The following TOP1 variants were observed in gnomAD, a reference collection of about 807,000 sequenced individuals.
TOP1 encodes DNA topoisomerase 1.
TOP1 carries 10 observed loss-of-function variants against 111.1 expected under a neutral mutation model. The ratio of observed to expected loss-of-function variants is 0.09; its 90% CI spans 0.06 to 0.15. The LOEUF is 0.15. Among genes scored for constraint, TOP1 ranks in the 10% least tolerant of loss-of-function variants. The pLI is 1.00. For missense variants in TOP1, 474 were observed against 926.7 expected (o/e 0.51, Z 6.34); for synonymous variants, 271 against 302.9 (o/e 0.89, Z 1.10).
intron 8 of TOP1, among the ~76,000 whole-genome samples, chr20:41,088,671 T>C (rs893611650): frequency 2.6e-5 from 4 of 152,086 alleles, no homozygotes; most frequent in African/African-American, 9.7e-5. Flanking sequence ...ATATATTTTC[T>C]CTATTTGGAG....
chr20:41,064,763 T>C (rs2033587009), intron 3 of TOP1, among the ~76,000 whole-genome samples: 2 of 152,222 alleles, frequency 1.3e-5, no homozygotes, highest in Non-Finnish European at 2.9e-5. Context: ...GTGCCTTGAA[T>C]ATATTCCTAG....
chr20:41,093,349 T>C (rs1305170556), intron 9 of TOP1, among the ~76,000 whole-genome samples: 2 of 152,226 alleles, frequency 1.3e-5, no homozygotes, highest in Non-Finnish European at 1.5e-5. Flanking sequence ...TATGTGCTTA[T>C]GACTCACCAA....
Position 41,123,318 on chromosome 20 carries a change from T to C in TOP1, c.*21T>C, listed in dbSNP as rs1410468863. The C allele has an allele frequency of 6.4e-7, 1 of 1,559,540 alleles. No individual in the cohort carries two copies. On this transcript the variant is annotated 3_prime_UTR_variant, in exon 21 of 21. Coordinates refer to ENST00000361337, the MANE Select transcript of TOP1 (RefSeq NM_003286.4). This position sits in a 1 kb window ranked among gnomAD's most constrained non-coding sequence, Gnocchi z 5.8. ...TTTAGCCAGTCTCAAGAGGCAGAGT[T>C]CTGTGAAGAGGAACAGTGTGGTTTG...
At chr20:41,063,410 T>C (rs1168574357) in intron 3 of TOP1, among the ~76,000 whole-genome samples, 1 of 152,206 alleles carries the variant, frequency 6.6e-6, no homozygotes, top group Non-Finnish European at 1.5e-5. Flanking sequence ...TGTGTGTACA[T>C]GTGTCTTTTT....
chr20:41,085,621 CAA>C (rs1160262241), intron 8 of TOP1, among the ~76,000 whole-genome samples: 5 of 152,328 alleles, frequency 3.3e-5, no homozygotes, highest in East Asian at 1.9e-4. Context: ...GAATAAAAAT[CAA>C]AGTCACCTTT....
At chr20:41,036,640 T>C (rs189050028) in intron 2 of TOP1, among the ~76,000 whole-genome samples, 288 of 152,042 alleles carry the variant, frequency 1.9e-3, no homozygotes, top group Non-Finnish European at 3.3e-3. Flanking sequence ...CCTGTTAAAG[T>C]TTTAAATCTT....
rs779931442 is a variant in TOP1 at position 41,094,064 on chromosome 20, T to TAATA, written c.730+1492_730+1495dup. Among the ~76,000 whole-genome samples, 6 of 151,872 alleles carry TAATA rather than the reference T, an allele frequency of 4.0e-5. No homozygotes were observed. The highest frequency in any genetic ancestry group is 1.5e-4 in the African/African-American group (6 of 41,324). The stretch of plus-strand genomic sequence containing the variant: ...TGAGACCCTGTCTCAAAAAATAAAA[T>TAATA]AATAAATAAATAAATAAAACATATT... On this transcript the variant is annotated intron_variant, in intron 9 of 20. Coordinates refer to ENST00000361337, the MANE Select transcript of TOP1 (RefSeq NM_003286.4). This position sits in a 1 kb window ranked among gnomAD's most constrained non-coding sequence, Gnocchi z 4.4.
rs934386752 is a variant in TOP1, at chr20:41,121,967, G to A, written c.2046-39G>A. 3.1e-6 allele frequency: 5 copies of A among 1,611,556 alleles called. 1 individual carries two copies. Among genetic ancestry groups the A allele is most frequent in the Non-Finnish European group, 4.2e-6 (5 of 1,178,886 alleles). ...TGGGTACAGTGTGCTCTTGTCTAGA[G>A]CCCAGGCCTGGTTCTTGAGGACTTT... On this transcript the variant is annotated intron_variant, in intron 19 of 20. Coordinates refer to ENST00000361337, the MANE Select transcript of TOP1 (RefSeq NM_003286.4). This position sits in a 1 kb window ranked among gnomAD's most constrained non-coding sequence, Gnocchi z 4.2.
rs2033627069 is a variant in TOP1, at chr20:41,067,942, T to C, written c.155+6452T>C. Among the ~76,000 whole-genome samples, 3 of 152,224 alleles carry C rather than the reference T, an allele frequency of 2.0e-5. No individual in the cohort carries two copies. Among genetic ancestry groups the C allele is most frequent in the Admixed American group, 6.5e-5 (1 of 15,284 alleles). Reference sequence around the variant, plus strand: ...GAATCATTTCATCTTGTCTTCTCTTTGTGTGGACAGGAGTCTGAGGTCACA... The same window carrying C: ...GAATCATTTCATCTTGTCTTCTCTTCGTGTGGACAGGAGTCTGAGGTCACA... On this transcript the variant is annotated intron_variant, in intron 3 of 20. Coordinates refer to ENST00000361337, the MANE Select transcript of TOP1 (RefSeq NM_003286.4). The surrounding 1 kb of genome is among the most constrained non-coding windows in gnomAD (Gnocchi z 4.0).
At chr20:41,059,666 T>C (rs2145926131) in intron 2 of TOP1, among the ~76,000 whole-genome samples, 1 of 152,092 alleles carries the variant, frequency 6.6e-6, no homozygotes, top group African/African-American at 2.4e-5. Context: ...GCACAAAACA[T>C]ACAGACCCTA....
chr20:41,057,309 G>A (rs1324793285), intron 2 of TOP1, among the ~76,000 whole-genome samples: 3 of 151,200 alleles, frequency 2.0e-5, no homozygotes, highest in African/African-American at 4.9e-5. Context: ...TTGAACCCGG[G>A]AGGCTGAGGT....
chr20:41,045,950 A>G (rs950976157), intron 2 of TOP1, among the ~76,000 whole-genome samples: 4 of 152,164 alleles, frequency 2.6e-5, no homozygotes, highest in African/African-American at 4.8e-5. Flanking sequence ...CTAGACATAT[A>G]TTAGTCTGAT....
intron 7 of TOP1, 34 bp from the exon 8 acceptor site, chr20:41,084,428 T>A: frequency 7.2e-7 from 1 of 1,383,518 alleles, no homozygotes; most frequent in South Asian, 1.3e-5. Context: ...GATCAGTCTT[T>A]ATTTAAGTGC....
rs1228704941 is a variant in TOP1, at chr20:41,121,247, GGTTGCCCA to G, written c.1951-446_1951-439del. On this transcript the variant is annotated intron_variant, in intron 18 of 20. Coordinates refer to ENST00000361337, the MANE Select transcript of TOP1 (RefSeq NM_003286.4). This position sits in a 1 kb window ranked among gnomAD's most constrained non-coding sequence, Gnocchi z 4.2. ...TGGTGGGATCTGAGGAACGAGCTGG[GGTTGCCCA>G]GTAGATGCAAGTATCCTGCTTCAGT... Among the ~76,000 whole-genome samples the G allele has an allele frequency of 6.6e-6, 1 of 152,098 alleles. No homozygotes were observed.
rs552357389 is a variant in TOP1 at position 41,100,575 on chromosome 20, T to C, written c.1163+332T>C. The C allele has an allele frequency of 1.0e-4, 22 of 214,246 alleles. No individual in the cohort carries two copies. The South Asian group carries it at 3.0e-3, about 29-fold the overall frequency. The allele number at this position is 214,246 out of a possible 1,614,324, so 13.3% of individuals were successfully genotyped here. On this transcript the variant is annotated intron_variant, in intron 12 of 20. Coordinates refer to ENST00000361337, the MANE Select transcript of TOP1 (RefSeq NM_003286.4). The surrounding 1 kb of genome is among the most constrained non-coding windows in gnomAD (Gnocchi z 4.4). ...TATCACATAGAGTGGCTATAACTTTTGCAGTCTGAGGCACAACAGCAAAAC... is the reference window on the plus strand; with the variant it reads ...TATCACATAGAGTGGCTATAACTTTCGCAGTCTGAGGCACAACAGCAAAAC...
Position 41,029,234 on chromosome 20 carries a change from G to T in TOP1, c.33+134G>T. ...GCCCCCGGTGAGGGGCCGCCTGCCG[G>T]AGTAGATCGGCTCGCTAGGCCGCGA... On this transcript the variant is annotated intron_variant, in intron 1 of 20. Coordinates refer to ENST00000361337, the MANE Select transcript of TOP1 (RefSeq NM_003286.4). The surrounding 1 kb of genome is among the most constrained non-coding windows in gnomAD (Gnocchi z 6.1). 1.2e-6 allele frequency: 1 copy of T among 803,592 alleles called. No homozygotes were observed. Among genetic ancestry groups the T allele is most frequent in the Non-Finnish European group, 1.8e-6 (1 of 563,592 alleles). The allele number at this position is 803,592 out of a possible 1,614,324, so 49.8% of individuals were successfully genotyped here.
Position 41,083,057 on chromosome 20 carries a change from T to C in TOP1, c.508-1405T>C, listed in dbSNP as rs1319318023. Reference sequence around the variant, plus strand: ...GTCATTAAACCTCACTCGCCAACTATAGTTTTTTTGTTTTTTGTTTTTTTC... The same window carrying C: ...GTCATTAAACCTCACTCGCCAACTACAGTTTTTTTGTTTTTTGTTTTTTTC... On this transcript the variant is annotated intron_variant, in intron 7 of 20. Coordinates refer to ENST00000361337, the MANE Select transcript of TOP1 (RefSeq NM_003286.4). This position sits in a 1 kb window ranked among gnomAD's most constrained non-coding sequence, Gnocchi z 7.2. 2.6e-5 allele frequency among the ~76,000 whole-genome samples: 4 copies of C among 152,164 alleles called. No individual in the cohort carries two copies. In the East Asian group the frequency reaches 7.7e-4, roughly 29 times the overall value.
chr20:41,059,655 G>A (rs910247297), intron 2 of TOP1, among the ~76,000 whole-genome samples: 1 of 151,866 alleles, frequency 6.6e-6, no homozygotes, highest in Non-Finnish European at 1.5e-5. Flanking sequence ...GATATCTTGG[G>A]GCACAAAACA....
chr20:41,111,994 C>T (rs2034250547), intron 13 of TOP1, among the ~76,000 whole-genome samples: 1 of 152,104 alleles, frequency 6.6e-6, no homozygotes, highest in Non-Finnish European at 1.5e-5. Flanking sequence ...TTTAGTAACC[C>T]TTCATTGGGT....
Sources: gnomAD v4.1 joint callset for allele counts (sites outside exome capture counted in the v4.1 genomes callset) on GRCh38, gnomAD v4.1.1 for gene constraint, Gnocchi (gnomAD v3.1) non-coding constraint, MANE v1.5 for transcripts, NCBI Gene and HGNC (gene_info 2026-07-23, HGNC 2026-07-21) for gene names.